Variants in ZBTB46 observed in about 807,000 individuals in gnomAD.
ZBTB46 encodes zinc finger and BTB domain containing 46.
Under a neutral mutation model 44.1 loss-of-function variants are expected in ZBTB46, and 8 were observed. That is an observed-to-expected ratio of 0.18 (90% confidence interval 0.11 to 0.33). The LOEUF (loss-of-function observed/expected upper bound fraction) is 0.33, where lower values mean the gene tolerates loss of function less well. Ranked by LOEUF, ZBTB46 falls within the 10% of genes least tolerant of loss-of-function variation. ZBTB46 has a pLI of 1.00. For missense variants in ZBTB46, 651 were observed against 847.7 expected, an observed-to-expected ratio of 0.77 and a Z score of 2.88; for synonymous variants, 409 against 382.3, an observed-to-expected ratio of 1.07 and a Z score of -0.81.
chr20:63,762,293 A>AC (rs1343207377), intron 3 of ZBTB46, among the ~76,000 whole-genome samples: 2 of 151,660 alleles, frequency 1.3e-5, no homozygotes, highest in Non-Finnish European at 2.9e-5. Context: ...GTGTTTTAAA[A>AC]CCCCCAATTG....
chr20:63,784,394 G>A (rs531799632), intron 2 of ZBTB46, among the ~76,000 whole-genome samples: 7 of 152,346 alleles, frequency 4.6e-5, no homozygotes, highest in African/African-American at 1.4e-4. Flanking sequence ...CAGTTCTGAT[G>A]TACGCTTAAA....
intron 2 of ZBTB46, among the ~76,000 whole-genome samples, chr20:63,782,067 A>G (rs865981595): frequency 5.1e-5 from 7 of 136,574 alleles, no homozygotes; most frequent in African/African-American, 1.9e-4. Flanking sequence ...GGCCTGGGTG[A>G]AAGAGCAAGA....
intron 2 of ZBTB46, among the ~76,000 whole-genome samples, chr20:63,782,220 C>T (rs1301203286): frequency 7.1e-6 from 1 of 140,770 alleles, no homozygotes; most frequent in African/African-American, 2.6e-5. Flanking sequence ...GGTTTTGCCA[C>T]CTTGTGGCAG....
At chr20:63,817,599 C>T (rs2092766778) in intron 1 of ZBTB46, among the ~76,000 whole-genome samples, 1 of 151,682 alleles carries the variant, frequency 6.6e-6, no homozygotes, top group South Asian at 2.1e-4. Context: ...GCCTGTAATC[C>T]CAGCTACTTG....
intron 1 of ZBTB46, among the ~76,000 whole-genome samples, chr20:63,817,438 G>C (rs1006568470): frequency 6.6e-6 from 1 of 151,848 alleles, no homozygotes; most frequent in Non-Finnish European, 1.5e-5. Context: ...AAAGAGGCCG[G>C]GTGCAGTGGC....
chr20:63,831,308 G>GCGCC (rs1172055868), upstream of ZBTB46: 1 of 138,106 alleles, frequency 7.2e-6, no homozygotes, highest in Non-Finnish European at 1.6e-5. Context: ...CCGCCCGCGC[G>GCGCC]CGCGCGCCCC....
chr20:63,774,910 G>C (rs931755703), intron 3 of ZBTB46, among the ~76,000 whole-genome samples: 2 of 151,940 alleles, frequency 1.3e-5, no homozygotes, highest in African/African-American at 4.8e-5. Context: ...TCACCGTGTT[G>C]GCCAAGATGG....
In ZBTB46 at chr20:63,790,320, G is replaced by A. The variant is rs142438754; in HGVS notation, c.438C>T (p.Ile146=). Residue 146 remains isoleucine, a synonymous_variant, in exon 2 of 5, where the codon ATC becomes ATT. Transcript: ENST00000245663. ...CCGTGCTGCTGCTGGACGAGGCGCC[G>A]ATCTCGAACTCCGCAAGCTCATCTG... ...DASDELAEFE[I]GASSSSSTEA... is the part of the protein sequence containing the mutation. The A allele has an allele frequency of 9.5e-5, 154 of 1,613,064 alleles. No homozygotes were observed. The highest frequency in any genetic ancestry group is 5.1e-4 in the African/African-American group (38 of 75,060).
chr20:63,825,668 T>C (rs543251033), intron 1 of ZBTB46, among the ~76,000 whole-genome samples: 52 of 152,296 alleles, frequency 3.4e-4, no homozygotes, highest in African/African-American at 1.2e-3. Context: ...TGTGTCTGGA[T>C]GTGCCCCTCC....
At chr20:63,826,673 C>T (rs909380838) in intron 1 of ZBTB46, among the ~76,000 whole-genome samples, 2 of 152,192 alleles carry the variant, frequency 1.3e-5, no homozygotes, top group Admixed American at 1.3e-4. Flanking sequence ...TGCAGTGAGC[C>T]GACATCGCGC....
At chr20:63,807,231 CTT>C (rs949928342) in intron 1 of ZBTB46, among the ~76,000 whole-genome samples, 2 of 152,082 alleles carry the variant, frequency 1.3e-5, no homozygotes, top group African/African-American at 4.8e-5. Flanking sequence ...TTGAAATTGA[CTT>C]TTCTTTTTGG....
intron 3 of ZBTB46, among the ~76,000 whole-genome samples, chr20:63,769,551 A>G (rs2092349418): frequency 6.6e-6 from 1 of 152,066 alleles, no homozygotes; most frequent in Non-Finnish European, 1.5e-5. Context: ...TCAGCTGGCC[A>G]ACCCCAAATG....
intron 3 of ZBTB46, among the ~76,000 whole-genome samples, chr20:63,759,778 T>C (rs2092257595): frequency 6.6e-6 from 1 of 152,208 alleles, no homozygotes; most frequent in South Asian, 2.1e-4. Flanking sequence ...GGTTAACTTT[T>C]TTTTTTGTAG....
intron 3 of ZBTB46, among the ~76,000 whole-genome samples, chr20:63,763,816 G>T (rs898106393): frequency 1.3e-5 from 2 of 152,154 alleles, no homozygotes; most frequent in Non-Finnish European, 2.9e-5. Flanking sequence ...CCACACGACA[G>T]TTAACTCTCA....
At chr20:63,786,617 T>C (rs905252328) in intron 2 of ZBTB46, among the ~76,000 whole-genome samples, 1 of 152,072 alleles carries the variant, frequency 6.6e-6, no homozygotes, top group Non-Finnish European at 1.5e-5. Context: ...GTTCAAGAGA[T>C]TCTCCTGCCT....
In ZBTB46 at chr20:63,787,066, G is replaced by A. The variant is rs182396893; in HGVS notation, c.937+2755C>T. Among the ~76,000 whole-genome samples, 5 of 152,288 alleles carry A rather than the reference G, an allele frequency of 3.3e-5. No individual in the cohort carries two copies. Among genetic ancestry groups the A allele is most frequent in the Admixed American group, 1.3e-4 (2 of 15,290 alleles). On this transcript the variant is annotated intron_variant, in intron 2 of 4. Transcript: ENST00000245663. The surrounding 1 kb of genome is among the most constrained non-coding windows in gnomAD (Gnocchi z 4.6). ...TGTCAAAGTAGAACAGCATTTACCC[G>A]CAGGTGGGGTAGAGGCAAGAGGAAG...
upstream of ZBTB46, among the ~76,000 whole-genome samples, chr20:63,833,447 C>T (rs964065387): frequency 5.3e-5 from 8 of 152,162 alleles, no homozygotes; most frequent in African/African-American, 1.9e-4. Context: ...AAAAATTAGC[C>T]AGGCGTGGTG....
chr20:63,764,251 A>C (rs1489687440), intron 3 of ZBTB46, among the ~76,000 whole-genome samples: 1 of 152,188 alleles, frequency 6.6e-6, no homozygotes, highest in Non-Finnish European at 1.5e-5. Flanking sequence ...AGCCTGGCCA[A>C]CATGGTGAAA....
At chr20:63,791,926 G>A (rs74707909) in intron 1 of ZBTB46, among the ~76,000 whole-genome samples, 4 of 152,290 alleles carry the variant, frequency 2.6e-5, no homozygotes, top group Admixed American at 6.5e-5. Context: ...CAACAGAAAC[G>A]TATTCTCAAG....
Sources: allele counts gnomAD v4.1 joint callset (sites outside exome capture counted in the v4.1 genomes callset), GRCh38; gene constraint gnomAD v4.1.1; non-coding constraint Gnocchi (gnomAD v3.1); transcripts MANE v1.5; gene names NCBI Gene and HGNC (gene_info 2026-07-23, HGNC 2026-07-21).